The following MACF1 variants were observed in gnomAD, a reference collection of about 807,000 sequenced individuals.
MACF1 encodes the protein microtubule-actin cross-linking factor 1.
MACF1 carries 193 observed loss-of-function variants against 854.8 expected under a neutral mutation model. The ratio of observed to expected loss-of-function variants is 0.23; its 90% CI spans 0.20 to 0.25. MACF1 has a LOEUF of 0.25. Among genes scored for constraint, MACF1 ranks in the 10% least tolerant of loss-of-function variants. The pLI is 1.00. For missense variants in MACF1, 7,722 were observed against 8,929.1 expected (o/e 0.86, Z 5.45); for synonymous variants, 3,185 against 3,226.7 (o/e 0.99, Z 0.44).
chr1:39,255,594 T>C (rs1310323545), intron 5 of MACF1, among the ~76,000 whole-genome samples: 1 of 152,260 alleles, frequency 6.6e-6, no homozygotes, highest in Non-Finnish European at 1.5e-5. Context: ...TGGTATAACA[T>C]TTCTTATTTT....
At chr1:39,337,400 T>A in intron 38 of MACF1, 69 bp downstream of exon 38, 1 of 1,529,044 alleles carries the variant, frequency 6.5e-7, no homozygotes, top group South Asian at 1.2e-5. Context: ...CCTTGAAGAT[T>A]TCAAGACTTA....
chr1:39,146,966 C>T (rs1189312718), intron 2 of MACF1, among the ~76,000 whole-genome samples: 2 of 152,070 alleles, frequency 1.3e-5, no homozygotes, highest in East Asian at 1.9e-4. Context: ...TAAATATATA[C>T]ACCTACTGAG....
At chr1:39,215,719 G>C (rs1248419610) in intron 1 of MACF1, among the ~76,000 whole-genome samples, 1 of 151,978 alleles carries the variant, frequency 6.6e-6, no homozygotes, top group African/African-American at 2.4e-5. Context: ...CCACTTTTAA[G>C]GTATGTTGCA....
intron 2 of MACF1, among the ~76,000 whole-genome samples, chr1:39,160,311 T>C (rs1227985231): frequency 6.6e-6 from 1 of 152,132 alleles, no homozygotes; most frequent in Admixed American, 6.6e-5. Flanking sequence ...AGAGTGCTGC[T>C]CTCTGGTGCT....
intron 23 of MACF1, among the ~76,000 whole-genome samples, chr1:39,303,494 C>A (rs1170995443): frequency 6.6e-6 from 1 of 150,952 alleles, no homozygotes; most frequent in Non-Finnish European, 1.5e-5. Flanking sequence ...AGTTTGCAGT[C>A]AGCTGAGATT....
At position 39,388,543 on chromosome 1, in the gene MACF1, A is replaced by G. The variant is rs562710048; in HGVS notation, c.15701A>G (p.Tyr5234Cys). The G allele has an allele frequency of 6.2e-7, 1 of 1,614,184 alleles. No homozygotes were observed. Among genetic ancestry groups the G allele is most frequent in the African/African-American group, 1.3e-5 (1 of 75,036 alleles). ...ELTLGRVEDF[Y>C]RKLKGLNDAT... ...ACACTAGGCCGTGTAGAGGACTTCT[A>G]CAGGAAATTGAAAGGACTCAATGAC... The change falls in exon 58 of 101, where the codon TAC (tyrosine) becomes TGC (cysteine). Residue 5234 changes from tyrosine to cysteine, a missense_variant. Tyr to Cys is a radical substitution (Grantham distance 194). Around this residue, in one of 15 missense-constraint regions of MACF1, gnomAD observed 2,807 missense variants for 3,235.8 expected, o/e 0.87. Coordinates refer to ENST00000564288, the MANE Select transcript of MACF1 (RefSeq NM_001394062.1).
At chr1:39,226,383 C>T (rs1010925415) in intron 1 of MACF1, among the ~76,000 whole-genome samples, 11 of 151,450 alleles carry the variant, frequency 7.3e-5, no homozygotes, top group Non-Finnish European at 1.5e-4. Context: ...CGCTGTTGCC[C>T]GAGCTGGAAT....
At chr1:39,312,491 T>C (rs1394912505) in intron 26 of MACF1, among the ~76,000 whole-genome samples, 1 of 152,114 alleles carries the variant, frequency 6.6e-6, no homozygotes, top group Admixed American at 6.5e-5. Context: ...AAGGGCAGCC[T>C]CTTACATAAC....
Position 39,225,573 on chromosome 1 carries a change from G to C in MACF1, c.110-5609G>C, listed in dbSNP as rs541149572. On this transcript the variant is annotated intron_variant, in intron 1 of 100. Coordinates refer to ENST00000564288, the MANE Select transcript of MACF1 (RefSeq NM_001394062.1). ...TCAGTAACCCCCAAGTAATTAATAA[G>C]GTTTAAAGTGTTAAATCTGAAACTT... 1.6e-4 allele frequency among the ~76,000 whole-genome samples: 25 copies of C among 152,250 alleles called. No homozygotes were observed. The East Asian group carries it at 4.6e-3, about 28-fold the overall frequency.
intron 51 of MACF1, among the ~76,000 whole-genome samples, chr1:39,370,388 G>C (rs1305975352): frequency 6.6e-6 from 1 of 152,210 alleles, no homozygotes; most frequent in African/African-American, 2.4e-5. Context: ...TTGTATGTTT[G>C]AGAATTAGAC....
chr1:39,353,315 C>A, intron 44 of MACF1, 84 bp downstream of exon 44: 1 of 977,206 alleles, frequency 1.0e-6, no homozygotes, highest in Non-Finnish European at 1.5e-6. Context: ...GCCCCTAAAT[C>A]CAGTGAGCAC....
Position 39,385,437 on chromosome 1 carries a change from A to T in MACF1, c.13852A>T (p.Met4618Leu). 3 of 1,613,328 alleles carry T rather than the reference A, an allele frequency of 1.9e-6. No homozygotes were observed. Among genetic ancestry groups the T allele is most frequent in the Non-Finnish European group, 2.5e-6 (3 of 1,179,538 alleles). ...CTTGGTGTCATTTCTATTTCAGTTTATGCTAAAGGAATTTGAAGCACGCAG... is the reference window on the plus strand; with the variant it reads ...CTTGGTGTCATTTCTATTTCAGTTTTTGCTAAAGGAATTTGAAGCACGCAG... ...LNAQKQQVQF[M>L]LKEFEARRQQ... is the part of the protein sequence containing the mutation. Residue 4618 changes from methionine to leucine, a missense_variant, in exon 57 of 101, where the codon ATG becomes TTG. Physicochemically the swap from Met to Leu is conservative, Grantham distance 15. Around this residue, in one of 15 missense-constraint regions of MACF1, gnomAD observed 2,807 missense variants for 3,235.8 expected, o/e 0.87. Transcript: ENST00000564288.
At chr1:39,410,635 C>T (rs1019546967) in intron 58 of MACF1, 7 of 1,613,832 alleles carry the variant, frequency 4.3e-6, no homozygotes, top group Non-Finnish European at 5.9e-6. Context: ...AAATGCAGAA[C>T]GCAAAGACAA....
At chr1:39,389,584 T>A (rs1258296678) in intron 58 of MACF1, among the ~76,000 whole-genome samples, 1 of 152,032 alleles carries the variant, frequency 6.6e-6, no homozygotes, top group African/African-American at 2.4e-5. Flanking sequence ...GGTCTCGATC[T>A]CCTGACCTCA....
At position 39,477,084 on chromosome 1, in the gene MACF1, T is replaced by TATATACACACAC. The variant is rs1644912494; in HGVS notation, c.21959-2709_21959-2708insCACACACATATA. On this transcript the variant is annotated intron_variant, in intron 97 of 100. Transcript: ENST00000564288. ...ATATATATATATATATATATATATA[T>TATATACACACAC]ATATATACACACACACACATATATA... 8.6e-4 allele frequency among the ~76,000 whole-genome samples: 11 copies of TATATACACACAC among 12,796 alleles called. 1 individual carries two copies. Among genetic ancestry groups the TATATACACACAC allele is most frequent in the African/African-American group, 2.8e-3 (10 of 3,596 alleles). The allele number at this position is 12,796 out of a possible 152,430, so 8.4% of individuals were successfully genotyped here. A position where few individuals can be genotyped will look rare whatever the true frequency, so the allele number is the denominator to read the frequency against.
chr1:39,160,824 C>G (rs956318336), intron 2 of MACF1, among the ~76,000 whole-genome samples: 4 of 152,316 alleles, frequency 2.6e-5, no homozygotes, highest in South Asian at 2.1e-4. Flanking sequence ...CCCACTGTGC[C>G]CCCTGATTAA....
intron 2 of MACF1, among the ~76,000 whole-genome samples, chr1:39,156,026 T>G (rs562541872): frequency 1.0e-3 from 153 of 152,328 alleles, no homozygotes; most frequent in Non-Finnish European, 1.8e-3. Context: ...TATCTGGGAC[T>G]ACAGGCGCCC....
rs187072921 is a variant in MACF1 at position 39,149,431 on chromosome 1, G to T, written c.220+64993G>T. On this transcript the variant is annotated intron_variant, in intron 2 of 93. Coordinates refer to the MACF1 transcript ENST00000361689. ...CCAACTACTCGGGAGGCTGAGGTGAGGCAGGAGAATCACTTGAACCGGGGA... is the reference window on the plus strand; with the variant it reads ...CCAACTACTCGGGAGGCTGAGGTGATGCAGGAGAATCACTTGAACCGGGGA... Among the ~76,000 whole-genome samples, 296 of 152,244 alleles carry T rather than the reference G, an allele frequency of 1.9e-3. 2 individuals are homozygous for T. Among genetic ancestry groups the T allele is most frequent in the African/African-American group, 6.9e-3 (286 of 41,550 alleles).
chr1:39,301,844 T>G (rs1250693300), intron 22 of MACF1, among the ~76,000 whole-genome samples: 1 of 152,232 alleles, frequency 6.6e-6, no homozygotes, highest in Non-Finnish European at 1.5e-5. Context: ...TTGAGTAATC[T>G]GTCTTTACCT....
Sources: gnomAD v4.1 joint callset for allele counts (sites outside exome capture counted in the v4.1 genomes callset) on GRCh38, gnomAD v4.1.1 for gene constraint, gnomAD v4.1.1 regional missense constraint, MANE v1.5 for transcripts, NCBI Gene and HGNC (gene_info 2026-07-23, HGNC 2026-07-21) for gene names.